DOCK4: variants seen among roughly 807,000 people sequenced by gnomAD.
DOCK4 encodes dedicator of cytokinesis 4, also known as dedicator of cytokinesis protein 4.
In DOCK4, 97 loss-of-function variants were observed where a neutral mutation model predicts 268.1. That is an observed-to-expected ratio of 0.36 (90% CI 0.31 to 0.43). The LOEUF is 0.43. Among genes scored for constraint, DOCK4 ranks in the 20% least tolerant of loss-of-function variants. DOCK4 has a pLI of 1.00. For synonymous variants in DOCK4, 954 were observed against 887.2 expected (o/e 1.08, Z -1.34); for missense variants, 2,145 against 2,455.7 (o/e 0.87, Z 2.67).
At chr7:111,792,663 G>A (rs571761893) in intron 30 of DOCK4, among the ~76,000 whole-genome samples, 2 of 152,290 alleles carry the variant, frequency 1.3e-5, no homozygotes, top group Admixed American at 6.5e-5. Flanking sequence ...GTTTACAGGC[G>A]TGAGCCGCTG....
At chr7:111,759,108 T>A (rs560072755) in intron 40 of DOCK4, among the ~76,000 whole-genome samples, 1 of 152,238 alleles carries the variant, frequency 6.6e-6, no homozygotes, top group South Asian at 2.1e-4. Context: ...ATGGGAATGG[T>A]TTGGGCCTTA....
At chr7:111,734,104 A>T (rs1032639234) in intron 51 of DOCK4, among the ~76,000 whole-genome samples, 1 of 151,790 alleles carries the variant, frequency 6.6e-6, no homozygotes, top group Non-Finnish European at 1.5e-5. Context: ...TGCCTGGCTA[A>T]TTTTTGCATT....
intron 51 of DOCK4, among the ~76,000 whole-genome samples, chr7:111,734,276 T>A (rs1795315598): frequency 6.6e-6 from 1 of 152,170 alleles, no homozygotes; most frequent in African/African-American, 2.4e-5. Context: ...CTTGGTTCAC[T>A]GCAACCTCTG....
chr7:111,782,934 A>G lies in DOCK4; in HGVS notation c.3525-10T>C. On this transcript the variant is annotated splice_polypyrimidine_tract_variant and intron_variant, in intron 34 of 52. Transcript: ENST00000428084. ...CATTTTCATGCAGTCCCTAAAAACA[A>G]AAAGCAATAGTCAGAACTCAGAACT... The G allele has an allele frequency of 6.2e-7, 1 of 1,612,910 alleles. No homozygotes were observed.
rs201051110 is a variant in DOCK4, at chr7:111,766,948, CAA to C, written c.3915+82_3915+83del. On this transcript the variant is annotated intron_variant, in intron 38 of 52. Coordinates refer to ENST00000428084, the MANE Select transcript of DOCK4 (RefSeq NM_001363540.2). ...CTTAAAAAGGGTTTCTGCAAGACCA[CAA>C]AGTTAATTTCATAGAACCACACTGG... is the stretch of plus-strand genomic sequence containing the variant. The C allele has an allele frequency of 1.6e-3, 1,723 of 1,088,486 alleles. 25 individuals are homozygous for C. The African/African-American group carries it at 0.025, about 16-fold the overall frequency. 67.4% of individuals were successfully genotyped at this position (1,088,486 alleles called of 1,614,324 possible).
At position 112,149,240 on chromosome 7, in the gene DOCK4, AT is replaced by A. The variant is rs147457355; in HGVS notation, c.37+56861del. 6.4e-3 allele frequency among the ~76,000 whole-genome samples: 975 copies of A among 152,250 alleles called. 17 individuals carry two copies. Among genetic ancestry groups the A allele is most frequent in the African/African-American group, 0.022 (918 of 41,542 alleles). ...AGGATGGCGCTGCCATCCCTTCGTC[AT>A]TATGGTTTCTCAGCTTCCCACTTGA... On this transcript the variant is annotated intron_variant, in intron 1 of 52. Coordinates refer to ENST00000428084, the MANE Select transcript of DOCK4 (RefSeq NM_001363540.2).
In DOCK4 at chr7:112,206,351, C is replaced by A. The variant is rs1432833532; in HGVS notation, c.-213G>T. ...TCTCCCGGCGGCGGCTGCTCACAGT[C>A]CTCCGACGCGCTCCCGGGTACCCGG... is the stretch of plus-strand genomic sequence containing the variant. On this transcript the variant is annotated 5_prime_UTR_variant, in exon 1 of 53. Transcript: ENST00000428084. 3.4e-6 allele frequency: 2 copies of A among 593,618 alleles called. No homozygotes were observed. Among genetic ancestry groups the A allele is most frequent in the African/African-American group, 3.9e-5 (2 of 51,614 alleles). 36.8% of individuals were successfully genotyped at this position (593,618 alleles called of 1,614,324 possible).
chr7:112,080,085 A>T (rs556498382), intron 1 of DOCK4, among the ~76,000 whole-genome samples: 17 of 151,368 alleles, frequency 1.1e-4, no homozygotes, highest in African/African-American at 3.9e-4. Context: ...AGAAAAATTT[A>T]AAAAAATACA....
chr7:111,792,583 A>C (rs889869433), intron 30 of DOCK4, among the ~76,000 whole-genome samples: 1 of 152,060 alleles, frequency 6.6e-6, no homozygotes, highest in Middle Eastern at 3.4e-3. Context: ...GGGTTTTACC[A>C]TGTTGCCCAG....
At chr7:112,163,250 C>T (rs569914348) in intron 1 of DOCK4, among the ~76,000 whole-genome samples, 18 of 152,266 alleles carry the variant, frequency 1.2e-4, no homozygotes, top group African/African-American at 3.8e-4. Context: ...GCCTAACCCC[C>T]ATACCCCAGC....
intron 7 of DOCK4, among the ~76,000 whole-genome samples, chr7:111,980,269 T>C (rs1798510734): frequency 6.6e-6 from 1 of 152,160 alleles, no homozygotes; most frequent in African/African-American, 2.4e-5. Context: ...CCATTTGGAC[T>C]TAGTAGGTTA....
intron 1 of DOCK4, among the ~76,000 whole-genome samples, chr7:112,111,115 G>A (rs1318116072): frequency 6.6e-6 from 1 of 152,168 alleles, no homozygotes; most frequent in Non-Finnish European, 1.5e-5. Context: ...CAGGAAGAGT[G>A]GTCTTTTAGT....
At chr7:111,753,004 T>TTGG (rs1554581760) in intron 42 of DOCK4, among the ~76,000 whole-genome samples, 2 of 25,002 alleles carry the variant, frequency 8.0e-5, no homozygotes, top group East Asian at 9.0e-4. Flanking sequence ...TGATAAGCTA[T>TTGG]TGGGGGGGGG....
intron 1 of DOCK4, among the ~76,000 whole-genome samples, chr7:112,173,164 G>A (rs776425424): frequency 4.6e-5 from 7 of 152,112 alleles, no homozygotes; most frequent in Admixed American, 6.6e-5. Flanking sequence ...TTACTTTAGC[G>A]TCAGATTTTA....
intron 13 of DOCK4, among the ~76,000 whole-genome samples, chr7:111,914,676 C>T (rs1192801808): frequency 6.6e-6 from 1 of 152,144 alleles, no homozygotes; most frequent in Admixed American, 6.5e-5. Context: ...AATTTCTTAC[C>T]TACCACAAAT....
At chr7:111,811,180 AAATTCCT>A (rs1367726679) in intron 28 of DOCK4, among the ~76,000 whole-genome samples, 3 of 151,844 alleles carry the variant, frequency 2.0e-5, no homozygotes, top group African/African-American at 7.3e-5. Flanking sequence ...GTAACTATTA[AAATTCCT>A]TTTTTATTGT....
At chr7:111,977,053 A>G (rs900432817) in intron 8 of DOCK4, 79 bp downstream of exon 8, 6 of 1,504,286 alleles carry the variant, frequency 4.0e-6, no homozygotes, top group African/African-American at 2.8e-5. Flanking sequence ...TACAAGATAT[A>G]TATCTTACAG....
intron 50 of DOCK4, 133 bp downstream of exon 50, chr7:111,736,783 CT>C: frequency 2.5e-6 from 2 of 792,964 alleles, no homozygotes; most frequent in South Asian, 1.5e-5. Context: ...TCATTAATCC[CT>C]TAAAGAGCAT....
intron 1 of DOCK4, among the ~76,000 whole-genome samples, chr7:112,129,076 G>A (rs2116062939): frequency 6.6e-6 from 1 of 152,218 alleles, no homozygotes; most frequent in African/African-American, 2.4e-5. Context: ...TAAACACTTA[G>A]GTGCTCACAA....
Sources: allele counts gnomAD v4.1 joint callset (sites outside exome capture counted in the v4.1 genomes callset), GRCh38; gene constraint gnomAD v4.1.1; transcripts MANE v1.5; gene names NCBI Gene and HGNC (gene_info 2026-07-23, HGNC 2026-07-21).